The following BNC2 variants were observed in gnomAD, a reference collection of about 807,000 sequenced individuals.
BNC2 encodes the protein zinc finger protein basonuclin-2.
In BNC2, 20 loss-of-function variants were observed where a neutral mutation model predicts 76.3. That is an observed-to-expected ratio of 0.26 (90% CI 0.18 to 0.38). The LOEUF is 0.38. BNC2 is among the 10% of genes least tolerant of loss of function. BNC2 has a pLI of 1.00. For missense variants in BNC2, 1,382 were observed against 1,399.8 expected, an observed-to-expected ratio of 0.99 and a Z score of 0.20; for synonymous variants, 582 against 514.8, an observed-to-expected ratio of 1.13 and a Z score of -1.77.
chr9:16,499,638 T>C (rs1822477157), intron 5 of BNC2, among the ~76,000 whole-genome samples: 1 of 151,206 alleles, frequency 6.6e-6, no homozygotes, highest in South Asian at 2.1e-4. Context: ...CAAGCAATTC[T>C]CGTGCCTCAG....
chr9:16,571,441 T>C (rs1304376368), intron 4 of BNC2, among the ~76,000 whole-genome samples: 2 of 152,186 alleles, frequency 1.3e-5, no homozygotes, highest in African/African-American at 4.8e-5. Flanking sequence ...CTATGATCTG[T>C]TTCCAAGTAG....
chr9:16,828,987 C>T (rs1020462024), intron 1 of BNC2, among the ~76,000 whole-genome samples: 6 of 144,830 alleles, frequency 4.1e-5, no homozygotes, highest in African/African-American at 1.5e-4. Flanking sequence ...CATGTGTGAG[C>T]AGGGGGGCGG....
intron 5 of BNC2, among the ~76,000 whole-genome samples, chr9:16,459,225 C>A (rs1391427496): frequency 6.6e-6 from 1 of 152,154 alleles, no homozygotes; most frequent in African/African-American, 2.4e-5. Context: ...CGTGCAATCA[C>A]GTTCTCCTAT....
chr9:16,448,894 T>C (rs1005381002), intron 5 of BNC2, among the ~76,000 whole-genome samples: 12 of 152,314 alleles, frequency 7.9e-5, no homozygotes, highest in African/African-American at 2.6e-4. Context: ...CACCCACACA[T>C]ACACATGTGT....
chr9:16,684,833 T>C (rs946633548), intron 3 of BNC2, among the ~76,000 whole-genome samples: 1 of 151,540 alleles, frequency 6.6e-6, no homozygotes, highest in African/African-American at 2.4e-5. Flanking sequence ...TAATTTGCAA[T>C]ACACCAAATC....
chr9:16,689,163 CAAA>C (rs58620248), intron 3 of BNC2, among the ~76,000 whole-genome samples: 94 of 50,474 alleles, frequency 1.9e-3, no homozygotes, highest in African/African-American at 5.4e-3. Context: ...ACTGAGATCA[CAAA>C]AAAAAAAAAA....
chr9:16,650,556 TA>T lies in BNC2; in HGVS notation c.331-67472del, dbSNP rs201273267. Among the ~76,000 whole-genome samples, 1,134 of 152,046 alleles carry T rather than the reference TA, an allele frequency of 7.5e-3. 15 individuals carry two copies. Among genetic ancestry groups the T allele is most frequent in the African/African-American group, 0.025 (1,053 of 41,352 alleles). ...AAAAGATTATTTCAAAATTTTTTTT[TA>T]TTTTTTTTACACAGTAGACTAATTA... On this transcript the variant is annotated intron_variant, in intron 3 of 6. Coordinates refer to ENST00000380672, the MANE Select transcript of BNC2 (RefSeq NM_017637.6).
intron 5 of BNC2, among the ~76,000 whole-genome samples, chr9:16,540,712 G>C (rs1264942544): frequency 6.6e-6 from 1 of 152,106 alleles, no homozygotes; most frequent in Non-Finnish European, 1.5e-5. Flanking sequence ...CTTTTGACAG[G>C]AGCATTCAGA....
rs200658970 is a variant in BNC2 at position 16,582,938 on chromosome 9, C to T, written c.433+45G>A. On this transcript the variant is annotated intron_variant, in intron 4 of 6. Coordinates refer to ENST00000380672, the MANE Select transcript of BNC2 (RefSeq NM_017637.6). ...ACACACACACACACACACACACGAA[C>T]ATGAACATAATAAGAACGGGAAGAA... 4.6e-5 allele frequency: 60 copies of T among 1,294,426 alleles called. No individual in the cohort carries two copies. In the East Asian group the frequency reaches 1.2e-3, roughly 27 times the overall value. The allele number at this position is 1,294,426 out of a possible 1,614,324, so 80.2% of individuals were successfully genotyped here.
intron 2 of BNC2, among the ~76,000 whole-genome samples, chr9:16,728,981 A>G (rs1168264016): frequency 6.6e-6 from 1 of 152,178 alleles, no homozygotes; most frequent in Non-Finnish European, 1.5e-5. Flanking sequence ...AAGATAAACA[A>G]AAAAAGCCTG....
chr9:16,794,119 T>C (rs1817586290), intron 1 of BNC2, among the ~76,000 whole-genome samples: 1 of 152,142 alleles, frequency 6.6e-6, no homozygotes, highest in Admixed American at 6.5e-5. Context: ...ATCAGTGACA[T>C]GGCTCTGCCT....
intron 3 of BNC2, among the ~76,000 whole-genome samples, chr9:16,687,493 CAT>C (rs1341819417): frequency 6.6e-6 from 1 of 152,060 alleles, no homozygotes; most frequent in Non-Finnish European, 1.5e-5. Flanking sequence ...CCTCAGCTGA[CAT>C]ATGGAAGGCC....
chr9:16,832,419 G>T, intron 1 of BNC2: 1 of 556,704 alleles, frequency 1.8e-6, no homozygotes, highest in Non-Finnish European at 2.5e-6. Flanking sequence ...TTCCTTTCAA[G>T]AACATAGCTA....
At chr9:16,780,909 GTATT>G (rs1826134982) in intron 1 of BNC2, among the ~76,000 whole-genome samples, 1 of 151,856 alleles carries the variant, frequency 6.6e-6, no homozygotes, top group African/African-American at 2.4e-5. Flanking sequence ...CTCTACAGAG[GTATT>G]TATTTAATAA....
chr9:16,486,058 C>A (rs907533094), intron 5 of BNC2, among the ~76,000 whole-genome samples: 1 of 152,184 alleles, frequency 6.6e-6, no homozygotes, highest in African/African-American at 2.4e-5. Flanking sequence ...CACCCCAAAG[C>A]ACTCAAGATT....
At chr9:16,675,957 C>G (rs1051821128) in intron 3 of BNC2, among the ~76,000 whole-genome samples, 3 of 152,028 alleles carry the variant, frequency 2.0e-5, no homozygotes, top group African/African-American at 4.8e-5. Flanking sequence ...CCCAGCTACT[C>G]AGGAGGCTGA....
intron 1 of BNC2, among the ~76,000 whole-genome samples, chr9:16,868,981 A>G (rs1027769245): frequency 6.6e-6 from 1 of 152,262 alleles, no homozygotes; most frequent in Admixed American, 6.5e-5. Context: ...AGTGGAAGGC[A>G]GACAGGCTTA....
At chr9:16,465,223 G>A (rs1281274809) in intron 5 of BNC2, among the ~76,000 whole-genome samples, 1 of 152,132 alleles carries the variant, frequency 6.6e-6, no homozygotes, top group East Asian at 1.9e-4. Context: ...ATGATCTGAG[G>A]TCGGCAGTTC....
In BNC2 at chr9:16,770,066, G is replaced by A. The variant is rs1825794815; in HGVS notation, c.4-31581C>T. Among the ~76,000 whole-genome samples, 2 of 152,170 alleles carry A rather than the reference G, an allele frequency of 1.3e-5. 1 individual carries two copies. The highest frequency in any genetic ancestry group is 1.3e-4 in the Admixed American group (2 of 15,276). On this transcript the variant is annotated intron_variant, in intron 1 of 6. Transcript: ENST00000380672. ...CCCAAAATGAATGTAAGGCCCAGCA[G>A]TCACCGCCAGAAACAAGGAGGTCTT...
Sources: gnomAD v4.1 joint callset for allele counts (sites outside exome capture counted in the v4.1 genomes callset) on GRCh38, gnomAD v4.1.1 for gene constraint, MANE v1.5 for transcripts, NCBI Gene and HGNC (gene_info 2026-07-23, HGNC 2026-07-21) for gene names.